The following ECE1 variants were observed in gnomAD, a reference collection of about 807,000 sequenced individuals.
ECE1 encodes endothelin converting enzyme 1.
ECE1 carries 35 observed loss-of-function variants against 98.6 expected under a neutral mutation model. The observed-to-expected ratio is 0.35, with a 90% CI of 0.27 to 0.47. ECE1 has a LOEUF of 0.47. Ranked by LOEUF, ECE1 falls within the 20% of genes least tolerant of loss-of-function variation. ECE1 has a pLI of 1.00. For missense variants in ECE1, 814 were observed against 1,025.3 expected, an observed-to-expected ratio of 0.79 and a Z score of 2.81; for synonymous variants, 394 against 407.1, an observed-to-expected ratio of 0.97 and a Z score of 0.39.
At chr1:21,300,382 G>A (rs1020473236) in intron 1 of ECE1, among the ~76,000 whole-genome samples, 2 of 152,172 alleles carry the variant, frequency 1.3e-5, no homozygotes, top group Non-Finnish European at 2.9e-5. Flanking sequence ...GGGTCCTAAG[G>A]ACAAAATTGC....
rs1193269281 is a variant in ECE1, at chr1:21,219,670, C to CT, written c.*284dup. The CT allele has an allele frequency of 6.0e-6, 3 of 504,198 alleles. No individual in the cohort carries two copies. The highest frequency in any genetic ancestry group is 6.4e-5 in the Admixed American group (2 of 31,394). The allele number at this position is 504,198 out of a possible 1,614,324, so 31.2% of individuals were successfully genotyped here. ...AGTGGTATTTGTGGCGTATCTGGCG[C>CT]TTGTCAGTGTGGGGCCCAGGCCTGA... On this transcript the variant is annotated 3_prime_UTR_variant, in exon 19 of 19. Transcript: ENST00000374893. The surrounding 1 kb of genome is among the most constrained non-coding windows in gnomAD (Gnocchi z 4.5).
At chr1:21,252,938 A>G (rs1460882230) in intron 8 of ECE1, among the ~76,000 whole-genome samples, 1 of 152,262 alleles carries the variant, frequency 6.6e-6, no homozygotes, top group Non-Finnish European at 1.5e-5. Flanking sequence ...ATGAACTCTC[A>G]TCCTTTACCT....
At position 21,227,240 on chromosome 1, in the gene ECE1, C is replaced by T; in HGVS notation, c.1782-14G>A. ...AAGTTTAAGGCCCTGGAGGGAAAGA[C>T]ACAAAGGTAGAGATGATGCTTTGAG... is the stretch of plus-strand genomic sequence containing the variant. On this transcript the variant is annotated splice_polypyrimidine_tract_variant and intron_variant, in intron 15 of 18. Transcript: ENST00000374893. The T allele has an allele frequency of 6.2e-7, 1 of 1,613,404 alleles. No homozygotes were observed. The highest frequency in any genetic ancestry group is 8.5e-7 in the Non-Finnish European group (1 of 1,179,394).
chr1:21,262,498 G>A (rs149651145), intron 4 of ECE1, among the ~76,000 whole-genome samples: 209 of 152,306 alleles, frequency 1.4e-3, no homozygotes, highest in East Asian at 5.0e-3. Flanking sequence ...CAGATGCAGC[G>A]TCTCACCCTC....
intron 4 of ECE1, among the ~76,000 whole-genome samples, chr1:21,261,795 G>A (rs527667037): frequency 6.6e-6 from 1 of 152,324 alleles, no homozygotes; most frequent in East Asian, 1.9e-4. Context: ...GTCTCCAGAG[G>A]GCGTTCCATT....
chr1:21,289,307 G>A (rs1313060957), intron 2 of ECE1, among the ~76,000 whole-genome samples: 1 of 152,126 alleles, frequency 6.6e-6, no homozygotes, highest in East Asian at 1.9e-4. Context: ...GCACCTGGCT[G>A]GCTCCAAACC....
intron 1 of ECE1, among the ~76,000 whole-genome samples, chr1:21,313,660 C>G (rs1006310480): frequency 1.3e-5 from 2 of 152,216 alleles, no homozygotes; most frequent in African/African-American, 2.4e-5. Flanking sequence ...CTGGAACAGA[C>G]AGACCTCAGC....
intron 1 of ECE1, among the ~76,000 whole-genome samples, chr1:21,315,109 A>T (rs1017548883): frequency 5.3e-5 from 8 of 152,224 alleles, no homozygotes; most frequent in Admixed American, 1.3e-4. Flanking sequence ...CATTAATTTC[A>T]AATCTATCTC....
chr1:21,238,046 C>T, intron 11 of ECE1, 88 bp downstream of exon 11: 1 of 1,240,836 alleles, frequency 8.1e-7, no homozygotes, highest in Non-Finnish European at 1.2e-6. Context: ...AGGAAAGGCC[C>T]AGGGTGGGCT....
At chr1:21,329,375 C>T (rs1639147216) in intron 1 of ECE1, among the ~76,000 whole-genome samples, 1 of 152,222 alleles carries the variant, frequency 6.6e-6, no homozygotes, top group Non-Finnish European at 1.5e-5. Flanking sequence ...AGAGGTGAGA[C>T]TCACCAGAAA....
intron 1 of ECE1, among the ~76,000 whole-genome samples, chr1:21,324,443 C>A (rs982661654): frequency 1.3e-5 from 2 of 152,224 alleles, no homozygotes; most frequent in Non-Finnish European, 2.9e-5. Flanking sequence ...GAGACTCCAA[C>A]GGCTGCCACA....
chr1:21,246,498 CAAAAAAAAAA>C (rs368916726), intron 9 of ECE1, among the ~76,000 whole-genome samples: 1 of 96,722 alleles, frequency 1.0e-5, no homozygotes, highest in Non-Finnish European at 2.0e-5. Context: ...GACTCCATCT[CAAAAAAAAAA>C]AAAAAAGAAA....
intron 8 of ECE1, among the ~76,000 whole-genome samples, chr1:21,250,127 C>T (rs935567678): frequency 6.6e-6 from 1 of 152,086 alleles, no homozygotes; most frequent in Non-Finnish European, 1.5e-5. Context: ...CAGGCAATAA[C>T]TTCCCACTGG....
At position 21,260,612 on chromosome 1, in the gene ECE1, A is replaced by T. The variant is rs2098225522; in HGVS notation, c.494-220T>A. On this transcript the variant is annotated intron_variant, in intron 4 of 18. Coordinates refer to ENST00000374893, the MANE Select transcript of ECE1 (RefSeq NM_001397.3). This position sits in a 1 kb window ranked among gnomAD's most constrained non-coding sequence, Gnocchi z 4.3. ...GCGCTCCCGAAATTTTGCTGACTGCAAAGAAAAAGAATCGACCACGTTTCT... is the reference window on the plus strand; with the variant it reads ...GCGCTCCCGAAATTTTGCTGACTGCTAAGAAAAAGAATCGACCACGTTTCT... Among the ~76,000 whole-genome samples, 1 of 152,160 alleles carries T rather than the reference A, an allele frequency of 6.6e-6. No homozygotes were observed. The highest frequency in any genetic ancestry group is 2.4e-5 in the African/African-American group (1 of 41,434).
At position 21,250,924 on chromosome 1, in the gene ECE1, A is replaced by G. The variant is rs182548082; in HGVS notation, c.1021-3561T>C. Among the ~76,000 whole-genome samples the G allele has an allele frequency of 4.8e-3, 726 of 151,872 alleles. 6 individuals are homozygous for G. The highest frequency in any genetic ancestry group is 0.016 in the African/African-American group (646 of 41,402). Reference sequence around the variant, plus strand: ...CGGGAGGCTGAGGCAGGAGAATGGCATGAACCCGGGAGGCAGAGCTTGCAG... The same window carrying G: ...CGGGAGGCTGAGGCAGGAGAATGGCGTGAACCCGGGAGGCAGAGCTTGCAG... On this transcript the variant is annotated intron_variant, in intron 8 of 18. Transcript: ENST00000374893.
At chr1:21,315,812 A>T (rs1638819157) in intron 1 of ECE1, among the ~76,000 whole-genome samples, 1 of 150,552 alleles carries the variant, frequency 6.6e-6, no homozygotes, top group Non-Finnish European at 1.5e-5. Context: ...AAAAAAAAAA[A>T]GCTGGCCCTA....
rs2098166481 is a variant in ECE1 at position 21,220,837 on chromosome 1, G to GC, written c.2137-707dup. On this transcript the variant is annotated intron_variant, in intron 18 of 18. Transcript: ENST00000374893. The surrounding 1 kb of genome is among the most constrained non-coding windows in gnomAD (Gnocchi z 5.0). ...AGAAAATACAACACCAGGGAGATAA[G>GC]CCCCCCACCTGATCCTGAGATCCCG... Among the ~76,000 whole-genome samples, 1 of 151,986 alleles carries GC rather than the reference G, an allele frequency of 6.6e-6. No individual in the cohort carries two copies. The highest frequency in any genetic ancestry group is 1.5e-5 in the Non-Finnish European group (1 of 68,000).
chr1:21,222,301 T>C (rs2098168477), intron 17 of ECE1, among the ~76,000 whole-genome samples: 2 of 152,134 alleles, frequency 1.3e-5, no homozygotes, highest in African/African-American at 2.4e-5. Flanking sequence ...CACTGACCAC[T>C]GCTCCGCTCC....
intron 3 of ECE1, among the ~76,000 whole-genome samples, chr1:21,275,676 C>T (rs2098245694): frequency 6.6e-6 from 1 of 152,174 alleles, no homozygotes; most frequent in Non-Finnish European, 1.5e-5. Context: ...TAGGGACCTA[C>T]GAGGTGCTTA....
Sources: gnomAD v4.1 joint callset for allele counts (sites outside exome capture counted in the v4.1 genomes callset) on GRCh38, gnomAD v4.1.1 for gene constraint, Gnocchi (gnomAD v3.1) non-coding constraint, MANE v1.5 for transcripts, NCBI Gene and HGNC (gene_info 2026-07-23, HGNC 2026-07-21) for gene names.